The following NKAIN3 variants were observed in gnomAD, a reference collection of about 807,000 sequenced individuals.
NKAIN3 encodes the protein sodium/potassium transporting ATPase interacting 3.
Under a neutral mutation model 30.2 loss-of-function variants are expected in NKAIN3, and 25 were observed. The ratio of observed to expected loss-of-function variants is 0.83; its 90% CI spans 0.60 to 1.16. The LOEUF is 1.16. Among genes scored for constraint, NKAIN3 ranks in the 50% most tolerant of loss-of-function variants. The pLI is 0.00. For missense variants in NKAIN3, 225 were observed against 254.1 expected, an observed-to-expected ratio of 0.89 and a Z score of 0.78; for synonymous variants, 91 against 89.6, an observed-to-expected ratio of 1.02 and a Z score of -0.09.
chr8:62,928,383 G>A (rs989355230), intron 5 of NKAIN3, among the ~76,000 whole-genome samples: 7 of 151,994 alleles, frequency 4.6e-5, no homozygotes, highest in Non-Finnish European at 1.0e-4. Flanking sequence ...CTATATTAAA[G>A]TTAGTGGTAT....
rs1281375480 is a variant in NKAIN3 at position 62,976,170 on chromosome 8, G to C, written c.*10763G>C. Among the ~76,000 whole-genome samples the C allele has an allele frequency of 6.6e-6, 1 of 152,054 alleles. No homozygotes were observed. The highest frequency in any genetic ancestry group is 1.9e-4 in the East Asian group (1 of 5,152). ...GAGAATGTATATTCTGTTGATTTGG[G>C]GTGGAGAGTTCTGTAGATATCTATT... On this transcript the variant is annotated 3_prime_UTR_variant, in exon 7 of 7. Transcript: ENST00000623646.
chr8:62,348,918 G>A (rs1019237362), intron 1 of NKAIN3, among the ~76,000 whole-genome samples: 5 of 152,110 alleles, frequency 3.3e-5, no homozygotes, highest in Admixed American at 6.6e-5. Flanking sequence ...TGTCTTGCTC[G>A]TGCCTGACTT....
intron 1 of NKAIN3, among the ~76,000 whole-genome samples, chr8:62,288,367 A>G (rs781775133): frequency 2.6e-5 from 4 of 152,094 alleles, no homozygotes; most frequent in Non-Finnish European, 5.9e-5. Flanking sequence ...CATTAGGTAT[A>G]TCTCCTAATG....
At chr8:62,572,645 A>G (rs1162372609) in intron 1 of NKAIN3, among the ~76,000 whole-genome samples, 1 of 152,176 alleles carries the variant, frequency 6.6e-6, no homozygotes, top group Non-Finnish European at 1.5e-5. Context: ...AGGCCTCACA[A>G]TCATGGCAGG....
intron 4 of NKAIN3, among the ~76,000 whole-genome samples, chr8:62,756,853 C>T (rs893735783): frequency 1.3e-5 from 2 of 152,138 alleles, no homozygotes; most frequent in Non-Finnish European, 2.9e-5. Context: ...TATGCCATCG[C>T]TAAACAACAG....
At chr8:62,328,986 C>T (rs1407253370) in intron 1 of NKAIN3, among the ~76,000 whole-genome samples, 2 of 151,980 alleles carry the variant, frequency 1.3e-5, no homozygotes, top group African/African-American at 2.4e-5. Context: ...CCATCTTTTG[C>T]ATTACCTTTT....
chr8:62,903,352 A>G (rs1350638639), intron 4 of NKAIN3, among the ~76,000 whole-genome samples: 1 of 152,140 alleles, frequency 6.6e-6, no homozygotes, highest in Admixed American at 6.5e-5. Flanking sequence ...GAGCAGCTTG[A>G]TTAAAAACAA....
At chr8:62,782,248 A>G (rs1563558927) in intron 4 of NKAIN3, among the ~76,000 whole-genome samples, 1 of 152,122 alleles carries the variant, frequency 6.6e-6, no homozygotes, top group East Asian at 1.9e-4. Flanking sequence ...TAGAATGCCA[A>G]TTACTAAAAA....
In NKAIN3 at chr8:62,980,361, A is replaced by G. The variant is rs1480527272; in HGVS notation, c.*14954A>G. 6.6e-6 allele frequency: 1 copy of G among 152,194 alleles called. No individual in the cohort carries two copies. Among genetic ancestry groups the G allele is most frequent in the Non-Finnish European group, 1.5e-5 (1 of 68,036 alleles). 9.4% of individuals were successfully genotyped at this position (152,194 alleles called of 1,614,324 possible). On this transcript the variant is annotated 3_prime_UTR_variant, in exon 7 of 7. Transcript: ENST00000623646. ...TTCTCAAATCTACTTTTAACTTCAA[A>G]TAGCAGGCATGCAATGTAGTTTTAT...
At chr8:62,681,006 T>A (rs142498062) in intron 3 of NKAIN3, among the ~76,000 whole-genome samples, 2 of 152,220 alleles carry the variant, frequency 1.3e-5, no homozygotes, top group Non-Finnish European at 2.9e-5. Context: ...TTTTGTAATA[T>A]GAAATTAAAA....
rs529014575 is a variant in NKAIN3, at chr8:62,340,942, C to T, written c.54+91815C>T. Among the ~76,000 whole-genome samples the T allele has an allele frequency of 1.0e-3, 157 of 152,166 alleles. 1 individual carries two copies. Among genetic ancestry groups the T allele is most frequent in the African/African-American group, 3.7e-3 (154 of 41,544 alleles). On this transcript the variant is annotated intron_variant, in intron 1 of 6. Transcript: ENST00000623646. ...TCTTCAAAACAGACATGAGATACAG[C>T]TGCTACAAAACAACACCGATTAATA...
intron 1 of NKAIN3, among the ~76,000 whole-genome samples, chr8:62,302,673 T>TA (rs1379023863): frequency 6.6e-6 from 1 of 151,962 alleles, no homozygotes; most frequent in Non-Finnish European, 1.5e-5. Flanking sequence ...TGCATATAGA[T>TA]AAAATCCTAT....
At chr8:62,867,492 A>G (rs901516663) in intron 4 of NKAIN3, among the ~76,000 whole-genome samples, 5 of 152,218 alleles carry the variant, frequency 3.3e-5, no homozygotes, top group African/African-American at 1.2e-4. Flanking sequence ...AAAGTCCAGC[A>G]AAAGAAAATA....
chr8:62,560,271 T>A (rs1043680072), intron 1 of NKAIN3, among the ~76,000 whole-genome samples: 1 of 152,094 alleles, frequency 6.6e-6, no homozygotes, highest in Non-Finnish European at 1.5e-5. Context: ...TTGTCAAGAT[T>A]TACTCATCTT....
At chr8:62,791,685 C>T (rs1817704854) in intron 4 of NKAIN3, among the ~76,000 whole-genome samples, 1 of 152,034 alleles carries the variant, frequency 6.6e-6, no homozygotes, top group Admixed American at 6.6e-5. Flanking sequence ...CTATTCCTCC[C>T]ATGTGAGAAT....
At chr8:62,754,405 C>A (rs1816385421) in intron 4 of NKAIN3, among the ~76,000 whole-genome samples, 1 of 151,800 alleles carries the variant, frequency 6.6e-6, no homozygotes, top group Non-Finnish European at 1.5e-5. Flanking sequence ...TATAAAGGAG[C>A]TCATTTTTAT....
intron 1 of NKAIN3, among the ~76,000 whole-genome samples, chr8:62,543,474 G>C (rs1808907446): frequency 6.6e-6 from 1 of 152,130 alleles, no homozygotes; most frequent in Non-Finnish European, 1.5e-5. Flanking sequence ...TTGCTCAATA[G>C]CTTCAATGTG....
chr8:62,420,890 A>G (rs1563391218), intron 1 of NKAIN3, among the ~76,000 whole-genome samples: 2 of 152,168 alleles, frequency 1.3e-5, no homozygotes, highest in African/African-American at 2.4e-5. Flanking sequence ...GGTAATAACC[A>G]CTTTTTATAG....
chr8:62,892,085 G>T (rs922748520), intron 4 of NKAIN3, among the ~76,000 whole-genome samples: 2 of 152,132 alleles, frequency 1.3e-5, no homozygotes, highest in Non-Finnish European at 2.9e-5. Flanking sequence ...GATTCCTAAG[G>T]CTGCCTTAAT....
Sources: gnomAD v4.1 joint callset for allele counts (sites outside exome capture counted in the v4.1 genomes callset) on GRCh38, gnomAD v4.1.1 for gene constraint, MANE v1.5 for transcripts, NCBI Gene and HGNC (gene_info 2026-07-23, HGNC 2026-07-21) for gene names.